The following FRAS1 variants were observed in gnomAD, a reference collection of about 807,000 sequenced individuals.
FRAS1 encodes extracellular matrix organizing protein FRAS1.
In FRAS1, 290 loss-of-function variants were observed where a neutral mutation model predicts 435.2. The ratio of observed to expected loss-of-function variants is 0.67; its 90% CI spans 0.61 to 0.73. The LOEUF is 0.73. Among genes scored for constraint, FRAS1 ranks in the 30% least tolerant of loss-of-function variants. FRAS1 has a pLI of 0.00. For synonymous variants in FRAS1, 1,800 were observed against 1,851.0 expected (o/e 0.97, Z 0.71); for missense variants, 4,860 against 5,001.5 (o/e 0.97, Z 0.85).
At chr4:78,308,026 C>T in intron 14 of FRAS1, 40 bp from the exon 15 acceptor site, 1 of 1,551,334 alleles carries the variant, frequency 6.4e-7, no homozygotes, top group East Asian at 2.3e-5. Context: ...CCAGTCCTTT[C>T]TGCCGTAGAT....
At chr4:78,152,923 C>T (rs369763835) in intron 2 of FRAS1, among the ~76,000 whole-genome samples, 44 of 152,248 alleles carry the variant, frequency 2.9e-4, no homozygotes, top group African/African-American at 1.0e-3. Context: ...CCTCGTCCTA[C>T]TCAGTTTACT....
At chr4:78,216,519 A>G (rs183356049) in intron 2 of FRAS1, among the ~76,000 whole-genome samples, 1 of 152,236 alleles carries the variant, frequency 6.6e-6, no homozygotes, top group African/African-American at 2.4e-5. Flanking sequence ...TTTCTTGGAA[A>G]CCCTCACTGT....
At chr4:78,083,031 G>C (rs923331966) in intron 2 of FRAS1, among the ~76,000 whole-genome samples, 3 of 152,126 alleles carry the variant, frequency 2.0e-5, no homozygotes, top group Non-Finnish European at 2.9e-5. Context: ...AAGCAAGATA[G>C]CAAAAGGGTT....
chr4:78,077,260 C>A (rs1415502837), intron 2 of FRAS1, among the ~76,000 whole-genome samples: 1 of 152,088 alleles, frequency 6.6e-6, no homozygotes, highest in Admixed American at 6.6e-5. Flanking sequence ...TTCTCAGCTA[C>A]TTGGGCGGCT....
chr4:78,325,510 T>A (rs1291139198), intron 18 of FRAS1, among the ~76,000 whole-genome samples: 2 of 152,226 alleles, frequency 1.3e-5, no homozygotes, highest in African/African-American at 4.8e-5. Context: ...GAATCTATAT[T>A]AAGCAATGCC....
At chr4:78,339,185 G>A (rs1240313368) in intron 20 of FRAS1, among the ~76,000 whole-genome samples, 2 of 152,194 alleles carry the variant, frequency 1.3e-5, no homozygotes, top group Non-Finnish European at 1.5e-5. Flanking sequence ...GAGAATCTGG[G>A]GATGGAAGGG....
chr4:78,539,200 G>C, intron 72 of FRAS1, 94 bp from the exon 73 acceptor site: 1 of 1,229,650 alleles, frequency 8.1e-7, no homozygotes, highest in Non-Finnish European at 1.1e-6. Flanking sequence ...AAAGCCAGGA[G>C]TGATGAGTAC....
chr4:78,484,866 C>G (rs1261032451), intron 58 of FRAS1, among the ~76,000 whole-genome samples: 1 of 152,134 alleles, frequency 6.6e-6, no homozygotes, highest in Non-Finnish European at 1.5e-5. Flanking sequence ...AGTTCATCCT[C>G]CTTGCATTAT....
At chr4:78,293,026 G>A (rs1054219339) in intron 14 of FRAS1, among the ~76,000 whole-genome samples, 12 of 152,256 alleles carry the variant, frequency 7.9e-5, no homozygotes, top group Middle Eastern at 3.4e-3. Flanking sequence ...AAATATTTGT[G>A]GAGCCTCTTC....
chr4:78,424,797 C>T (rs1172867062), intron 35 of FRAS1, among the ~76,000 whole-genome samples: 1 of 151,712 alleles, frequency 6.6e-6, no homozygotes, highest in East Asian at 1.9e-4. Flanking sequence ...AACAACTTAT[C>T]TGGATGATGG....
intron 2 of FRAS1, among the ~76,000 whole-genome samples, chr4:78,159,405 T>C (rs975642007): frequency 6.6e-6 from 1 of 152,148 alleles, no homozygotes; most frequent in African/African-American, 2.4e-5. Context: ...TTGAGAACAA[T>C]ATAAGATAGG....
At chr4:78,120,497 A>G (rs72654653) in intron 2 of FRAS1, among the ~76,000 whole-genome samples, 42,353 of 151,862 alleles carry the variant, frequency 0.28, 6,180 homozygotes, top group African/African-American at 0.35. Context: ...CAGTCCAGGA[A>G]TAAGAAGTTG....
chr4:78,124,601 C>T (rs1001056883), intron 2 of FRAS1, among the ~76,000 whole-genome samples: 1 of 152,120 alleles, frequency 6.6e-6, no homozygotes, highest in Non-Finnish European at 1.5e-5. Flanking sequence ...TCTGTCTGGT[C>T]CTGGACTTTT....
At chr4:78,409,331 T>A (rs999376386) in intron 31 of FRAS1, among the ~76,000 whole-genome samples, 3 of 152,148 alleles carry the variant, frequency 2.0e-5, no homozygotes, top group Non-Finnish European at 4.4e-5. Flanking sequence ...GAAATATTGA[T>A]GAGGAGGAAA....
intron 29 of FRAS1, among the ~76,000 whole-genome samples, chr4:78,395,096 T>C (rs1213021814): frequency 1.3e-5 from 2 of 151,946 alleles, no homozygotes; most frequent in East Asian, 1.9e-4. Flanking sequence ...GGTGGAATCT[T>C]TAGGGTTTTC....
intron 59 of FRAS1, among the ~76,000 whole-genome samples, chr4:78,494,101 C>T (rs1176358785): frequency 6.6e-6 from 1 of 152,120 alleles, no homozygotes; most frequent in Non-Finnish European, 1.5e-5. Context: ...TATCTCTTAA[C>T]TTGTATTTCT....
intron 2 of FRAS1, among the ~76,000 whole-genome samples, chr4:78,096,070 G>A (rs1036379755): frequency 2.0e-5 from 3 of 152,354 alleles, no homozygotes; most frequent in South Asian, 2.1e-4. Context: ...ATACAATGGA[G>A]TTACAGGCAT....
Position 78,328,272 on chromosome 4 carries a change from C to A in FRAS1, c.2138-5000C>A, listed in dbSNP as rs147323497. Among the ~76,000 whole-genome samples the A allele has an allele frequency of 8.5e-3, 1,298 of 152,250 alleles. 21 individuals are homozygous for A. Among genetic ancestry groups the A allele is most frequent in the African/African-American group, 0.03 (1,232 of 41,540 alleles). ...TTGTACTCATAATGCACTAATTAAT[C>A]TTTCTCTAGTTTTTAATTCCACAGT... On this transcript the variant is annotated intron_variant, in intron 18 of 73. Transcript: ENST00000512123.
At chr4:78,501,829 T>A (rs59857077) in intron 61 of FRAS1, among the ~76,000 whole-genome samples, 50,001 of 152,122 alleles carry the variant, frequency 0.33, 8,945 homozygotes, top group South Asian at 0.52. Context: ...TGCCTAGGTC[T>A]TCTTCTAGGG....
Sources: allele counts gnomAD v4.1 joint callset (sites outside exome capture counted in the v4.1 genomes callset), GRCh38; gene constraint gnomAD v4.1.1; transcripts MANE v1.5; gene names NCBI Gene and HGNC (gene_info 2026-07-23, HGNC 2026-07-21).